Variants in CCDC141 observed in about 807,000 individuals in gnomAD.
CCDC141 encodes coiled-coil domain containing 141, also known as coiled-coil domain-containing protein 141.
Under a neutral mutation model 181.0 loss-of-function variants are expected in CCDC141, and 168 were observed. That is an observed-to-expected ratio of 0.93 (90% confidence interval 0.82 to 1.05). CCDC141 has a LOEUF of 1.05. CCDC141 is among the 50% of genes least tolerant of loss of function. The probability of loss-of-function intolerance (pLI) is 0.00; values close to 1 mark genes in which losing one functional copy is unlikely to be tolerated. For missense variants in CCDC141, 1,902 were observed against 1,788.5 expected (o/e 1.06, Z -1.14); for synonymous variants, 666 against 642.3 (o/e 1.04, Z -0.56).
chr2:179,039,369 T>C (rs2043232196), intron 2 of CCDC141, among the ~76,000 whole-genome samples: 1 of 152,128 alleles, frequency 6.6e-6, no homozygotes, highest in South Asian at 2.1e-4. Context: ...AGCTTTTCTA[T>C]TAAATTAAAC....
At chr2:178,940,503 T>A (rs188693707) in intron 6 of CCDC141, among the ~76,000 whole-genome samples, 97 of 152,150 alleles carry the variant, frequency 6.4e-4, no homozygotes, top group Middle Eastern at 6.8e-3. Context: ...CCTGTGAGAA[T>A]GAGAATGTGA....
At chr2:178,989,981 A>G (rs1399037985) in intron 2 of CCDC141, among the ~76,000 whole-genome samples, 1 of 151,764 alleles carries the variant, frequency 6.6e-6, no homozygotes, top group East Asian at 1.9e-4. Flanking sequence ...CTCTACTAAA[A>G]ATACAAAATT....
In CCDC141 at chr2:178,877,982, G is replaced by A; in HGVS notation, c.1881C>T (p.Phe627=). 1.2e-6 allele frequency: 2 copies of A among 1,613,274 alleles called. No individual in the cohort carries two copies. The highest frequency in any genetic ancestry group is 1.3e-5 in the African/African-American group (1 of 74,940). The change falls in exon 12 of 24, where the codon TTC becomes TTT. Residue 627 remains phenylalanine (F), a synonymous_variant. Transcript: ENST00000443758. ...TTCTTACCATATTTATTAAATTAAG[G>A]AACTCAAGCCCTAGATCTTGTGTTA... The part of the protein sequence containing the change: ...SFITQDLGLE[F]LNLINMAKEN...
At chr2:178,857,891 C>T (rs780014640) in intron 17 of CCDC141, among the ~76,000 whole-genome samples, 6 of 152,112 alleles carry the variant, frequency 3.9e-5, no homozygotes, top group Non-Finnish European at 7.4e-5. Flanking sequence ...AAAATGCATG[C>T]TTTCTCAAAA....
At position 178,832,464 on chromosome 2, in the gene CCDC141, T is replaced by G. The variant is rs1490556270; in HGVS notation, c.*1709A>C. 1.2e-4 allele frequency: 5 copies of G among 42,090 alleles called. No homozygotes were observed. Among genetic ancestry groups the G allele is most frequent in the African/African-American group, 3.4e-4 (5 of 14,586 alleles). 2.6% of individuals were successfully genotyped at this position (42,090 alleles called of 1,614,324 possible). The stretch of plus-strand genomic sequence containing the variant: ...CTGGGCAAGAGAGCAAGACTCTTTC[T>G]CAAAAAAAAAAAAAAAAAACAAAAA... On this transcript the variant is annotated 3_prime_UTR_variant, in exon 24 of 24. Coordinates refer to ENST00000443758, the MANE Select transcript of CCDC141 (RefSeq NM_173648.4).
intron 17 of CCDC141, among the ~76,000 whole-genome samples, chr2:178,859,269 T>C (rs1267557952): frequency 6.6e-6 from 1 of 152,228 alleles, no homozygotes; most frequent in African/African-American, 2.4e-5. Flanking sequence ...CCTTCAGCGA[T>C]TGAAAAATCT....
intron 2 of CCDC141, among the ~76,000 whole-genome samples, chr2:179,029,844 T>C (rs1328629176): frequency 3.3e-5 from 5 of 152,186 alleles, no homozygotes; most frequent in Non-Finnish European, 5.9e-5. Context: ...TCAGGTGATA[T>C]AGAAAGTTTT....
At chr2:178,936,531 A>G (rs1689296901) in intron 6 of CCDC141, among the ~76,000 whole-genome samples, 1 of 152,064 alleles carries the variant, frequency 6.6e-6, no homozygotes, top group African/African-American at 2.4e-5. Flanking sequence ...TGGTAACATA[A>G]TGCCTCCAGC....
chr2:178,956,278 T>A (rs977597695), intron 5 of CCDC141, among the ~76,000 whole-genome samples: 2 of 152,178 alleles, frequency 1.3e-5, no homozygotes, highest in Admixed American at 1.3e-4. Flanking sequence ...TGTTTTAAGA[T>A]TCAGAGTCTA....
intron 17 of CCDC141, among the ~76,000 whole-genome samples, chr2:178,864,456 C>T (rs79724489): frequency 0.039 from 5,879 of 152,252 alleles, 132 homozygotes; most frequent in African/African-American, 0.061. Context: ...ATTACACTAC[C>T]GGTTCAACCC....
intron 11 of CCDC141, 131 bp downstream of exon 11, chr2:178,884,770 C>G (rs1686798911): frequency 1.7e-6 from 1 of 592,262 alleles, no homozygotes; most frequent in Non-Finnish European, 2.9e-6. Flanking sequence ...AATACAGGGC[C>G]TATAAGTGAG....
chr2:178,997,092 T>A (rs142035413), intron 2 of CCDC141, among the ~76,000 whole-genome samples: 2 of 152,186 alleles, frequency 1.3e-5, no homozygotes, highest in Admixed American at 1.3e-4. Context: ...CCTATGAGAT[T>A]CTTGAAATAG....
intron 7 of CCDC141, among the ~76,000 whole-genome samples, chr2:178,907,214 A>G (rs1688011007): frequency 6.6e-6 from 1 of 152,224 alleles, no homozygotes; most frequent in Non-Finnish European, 1.5e-5. Context: ...AGTTCCAGGC[A>G]CATTCTCCTT....
At chr2:178,978,452 TG>T in intron 3 of CCDC141, 31 bp downstream of exon 3, 1 of 1,325,216 alleles carries the variant, frequency 7.5e-7, no homozygotes, top group Non-Finnish European at 9.9e-7. Context: ...TGCTCTGATG[TG>T]GGGAAGGGAG....
chr2:178,932,360 C>G (rs781225076), intron 6 of CCDC141, among the ~76,000 whole-genome samples: 56 of 152,128 alleles, frequency 3.7e-4, no homozygotes, highest in East Asian at 1.9e-4. Context: ...TCAAATTTAA[C>G]TCCAATTCCC....
At chr2:179,034,954 G>T in intron 2 of CCDC141, among the ~76,000 whole-genome samples, 1 of 151,954 alleles carries the variant, frequency 6.6e-6, no homozygotes, top group African/African-American at 2.4e-5. Context: ...CCTATCTATT[G>T]TTTGTCCATT....
the CCDC141 span, among the ~76,000 whole-genome samples, chr2:178,816,459 T>G: frequency 6.6e-6 from 1 of 152,238 alleles, no homozygotes; most frequent in Non-Finnish European, 1.5e-5. Context: ...ACATCTTGTT[T>G]GCTTCCAAGT....
intron 7 of CCDC141, among the ~76,000 whole-genome samples, chr2:178,908,948 G>C (rs574077663): frequency 9.9e-5 from 15 of 152,122 alleles, no homozygotes; most frequent in Admixed American, 2.0e-4. Flanking sequence ...CTGATTGATT[G>C]AGCCCATCTT....
chr2:178,835,853 A>G (rs1237967244), intron 23 of CCDC141: 1 of 152,622 alleles, frequency 6.6e-6, no homozygotes, highest in East Asian at 1.9e-4. Flanking sequence ...GCAACAGTAA[A>G]GACAATAAAA....
Sources: gnomAD v4.1 joint callset for allele counts (sites outside exome capture counted in the v4.1 genomes callset) on GRCh38, gnomAD v4.1.1 for gene constraint, MANE v1.5 for transcripts, NCBI Gene and HGNC (gene_info 2026-07-23, HGNC 2026-07-21) for gene names.